PUS10: variants seen among roughly 807,000 people sequenced by gnomAD.
PUS10 encodes the protein tRNA pseudouridine synthase Pus10.
PUS10 carries 59 observed loss-of-function variants against 75.0 expected under a neutral mutation model. The observed-to-expected ratio is 0.79, with a 90% CI of 0.64 to 0.98. The LOEUF is 0.98. Ranked by LOEUF, PUS10 falls within the 50% of genes least tolerant of loss-of-function variation. The pLI, the probability that PUS10 is intolerant of heterozygous loss-of-function variation, is 0.00. For missense variants in PUS10, 650 were observed against 614.4 expected (o/e 1.06, Z -0.61); for synonymous variants, 219 against 211.6 (o/e 1.03, Z -0.30).
chr2:60,980,482 G>A (rs1479837994), intron 4 of PUS10, among the ~76,000 whole-genome samples: 1 of 152,148 alleles, frequency 6.6e-6, no homozygotes, highest in Non-Finnish European at 1.5e-5. Flanking sequence ...TTCCCTGGAG[G>A]ACCACCCATC....
chr2:61,001,269 A>T (rs1169134720), intron 4 of PUS10, among the ~76,000 whole-genome samples: 1 of 151,520 alleles, frequency 6.6e-6, no homozygotes, highest in Non-Finnish European at 1.5e-5. Context: ...GTTCTTATAG[A>T]CATAAGCCAT....
At chr2:61,003,244 T>C (rs1678967830) in intron 4 of PUS10, among the ~76,000 whole-genome samples, 1 of 152,096 alleles carries the variant, frequency 6.6e-6, no homozygotes, top group African/African-American at 2.4e-5. Context: ...GGCAGATCAC[T>C]TGCGATCAGG....
chr2:60,996,664 G>A (rs527323640), intron 4 of PUS10, among the ~76,000 whole-genome samples: 9 of 151,876 alleles, frequency 5.9e-5, no homozygotes, highest in South Asian at 2.1e-4. Flanking sequence ...TCCAATAAAC[G>A]GGACGCATGG....
At chr2:60,948,314 T>G (rs533964437) in intron 15 of PUS10, 129 bp from the exon 16 acceptor site, 1 of 854,168 alleles carries the variant, frequency 1.2e-6, no homozygotes, top group African/African-American at 1.7e-5. Flanking sequence ...ATGAATTGTG[T>G]CCCCTTAGGT....
intron 1 of PUS10, among the ~76,000 whole-genome samples, chr2:61,016,855 T>C (rs899073678): frequency 6.6e-6 from 1 of 152,158 alleles, no homozygotes; most frequent in Admixed American, 6.5e-5. Context: ...GTGTCATTCG[T>C]AACGCGGCGT....
intron 4 of PUS10, among the ~76,000 whole-genome samples, chr2:60,992,656 G>A (rs1220558284): frequency 6.6e-6 from 1 of 151,940 alleles, no homozygotes; most frequent in Non-Finnish European, 1.5e-5. Context: ...GACTAAAAGG[G>A]CTATTTATGT....
chr2:60,940,262 A>G lies in PUS10; in HGVS notation c.*2133T>C, dbSNP rs1344019633. The G allele has an allele frequency of 6.6e-6, 1 of 152,308 alleles. No homozygotes were observed. The highest frequency in any genetic ancestry group is 1.5e-5 in the Non-Finnish European group (1 of 68,020). 9.4% of individuals were successfully genotyped at this position (152,308 alleles called of 1,614,324 possible). A position where few individuals can be genotyped will look rare whatever the true frequency, so the allele number is the denominator to read the frequency against. On this transcript the variant is annotated 3_prime_UTR_variant, in exon 18 of 18. Transcript: ENST00000316752. Reference sequence around the variant, plus strand: ...AACTTTATTTTCTTTTGACTTTTCCAGGTATTCAGAGTTGATGTTTTTCCT... The same window carrying G: ...AACTTTATTTTCTTTTGACTTTTCCGGGTATTCAGAGTTGATGTTTTTCCT...
At position 61,016,438 on chromosome 2, in the gene PUS10, A is replaced by G. The variant is rs548695077; in HGVS notation, c.-16+1570T>C. Among the ~76,000 whole-genome samples the G allele has an allele frequency of 2.0e-5, 3 of 152,372 alleles. No homozygotes were observed. The East Asian group carries it at 5.8e-4, about 29-fold the overall frequency. ...AGATAATTAAATGCCAGGATTTCATAAGATATTAGAAATCGGTTGTCCATA... is the reference window on the plus strand; with the variant it reads ...AGATAATTAAATGCCAGGATTTCATGAGATATTAGAAATCGGTTGTCCATA... On this transcript the variant is annotated intron_variant, in intron 1 of 17. Coordinates refer to ENST00000316752, the MANE Select transcript of PUS10 (RefSeq NM_144709.4).
intron 1 of PUS10, among the ~76,000 whole-genome samples, chr2:61,016,738 C>T (rs1456531863): frequency 6.6e-6 from 1 of 152,102 alleles, no homozygotes; most frequent in Non-Finnish European, 1.5e-5. Flanking sequence ...TTACAAAAAC[C>T]AGTCATCGAA....
rs896316017 is a variant in PUS10 at position 60,982,438 on chromosome 2, T to G, written c.469-10881A>C. Among the ~76,000 whole-genome samples the G allele has an allele frequency of 5.9e-5, 9 of 151,994 alleles. No homozygotes were observed. The Middle Eastern group carries it at 0.014, about 230-fold the overall frequency. On this transcript the variant is annotated intron_variant, in intron 4 of 17. Coordinates refer to ENST00000316752, the MANE Select transcript of PUS10 (RefSeq NM_144709.4). ...CCACCACACCCAGCTAATTTTTGTA[T>G]TTTTAGTAGAGGCAGGGTTTTGCAA...
intron 4 of PUS10, among the ~76,000 whole-genome samples, chr2:61,004,453 C>G (rs1029730802): frequency 6.6e-6 from 1 of 151,670 alleles, no homozygotes; most frequent in Non-Finnish European, 1.5e-5. Context: ...ACGGTGAAAC[C>G]CCATCTCTAC....
intron 17 of PUS10, chr2:60,944,190 A>G (rs1462447843): frequency 3.1e-6 from 3 of 982,296 alleles, no homozygotes; most frequent in Admixed American, 6.2e-5. Flanking sequence ...CCTCCAAATG[A>G]TAGTTTCACT....
At chr2:60,997,686 T>C (rs1678570506) in intron 4 of PUS10, among the ~76,000 whole-genome samples, 2 of 152,012 alleles carry the variant, frequency 1.3e-5, no homozygotes, top group African/African-American at 4.8e-5. Context: ...TATTAGCATA[T>C]GTCTGGGACA....
At chr2:61,014,119 A>T (rs937137224) in intron 1 of PUS10, among the ~76,000 whole-genome samples, 3 of 152,146 alleles carry the variant, frequency 2.0e-5, no homozygotes, top group African/African-American at 7.2e-5. Flanking sequence ...CACACCTGTA[A>T]TCCCAGCACT....
intron 15 of PUS10, among the ~76,000 whole-genome samples, chr2:60,951,569 G>A (rs748378486): frequency 1.3e-5 from 2 of 152,226 alleles, no homozygotes; most frequent in East Asian, 1.9e-4. Flanking sequence ...TCATTTCCAC[G>A]AGGGTTCGTG....
chr2:60,950,635 T>C (rs935252724), intron 15 of PUS10, among the ~76,000 whole-genome samples: 1 of 152,194 alleles, frequency 6.6e-6, no homozygotes, highest in Non-Finnish European at 1.5e-5. Flanking sequence ...GCCAGGCTGG[T>C]CTCAAACTCC....
intron 5 of PUS10, among the ~76,000 whole-genome samples, 157 bp from the exon 6 acceptor site, chr2:60,967,770 C>T (rs1357369191): frequency 6.6e-6 from 1 of 152,048 alleles, no homozygotes; most frequent in Admixed American, 6.6e-5. Flanking sequence ...ACAAAGCAGA[C>T]AAAAATTCCT....
At chr2:60,985,938 CAAAAAAAA>C (rs59173202) in intron 4 of PUS10, among the ~76,000 whole-genome samples, 12 of 82,144 alleles carry the variant, frequency 1.5e-4, no homozygotes, top group South Asian at 4.7e-4. Flanking sequence ...CAGACTTCAC[CAAAAAAAA>C]AAAAAAAAAA....
chr2:61,009,149 T>G, intron 2 of PUS10, 134 bp from the exon 3 acceptor site: 1 of 723,612 alleles, frequency 1.4e-6, no homozygotes, highest in Non-Finnish European at 2.2e-6. Flanking sequence ...ATATCAATTC[T>G]GAAGCAATCC....
Sources: allele counts gnomAD v4.1 joint callset (sites outside exome capture counted in the v4.1 genomes callset), GRCh38; gene constraint gnomAD v4.1.1; transcripts MANE v1.5; gene names NCBI Gene and HGNC (gene_info 2026-07-23, HGNC 2026-07-21).